Variants in PPP2R2B observed in about 807,000 individuals in gnomAD.
The protein encoded by PPP2R2B is serine/threonine-protein phosphatase 2A 55 kDa regulatory subunit B beta isoform.
A neutral mutation model predicts 46.0 loss-of-function variants in PPP2R2B; 5 were observed. That is an observed-to-expected ratio of 0.11 (90% CI 0.06 to 0.23). The LOEUF is 0.23. PPP2R2B is among the 10% of genes least tolerant of loss of function. The pLI, the probability that PPP2R2B is intolerant of heterozygous loss-of-function variation, is 1.00. For synonymous variants in PPP2R2B, 215 were observed against 206.7 expected (o/e 1.04, Z -0.34); for missense variants, 367 against 575.0 (o/e 0.64, Z 3.70).
intron 1 of PPP2R2B, among the ~76,000 whole-genome samples, chr5:146,935,331 G>A (rs1764104241): frequency 6.6e-6 from 1 of 152,162 alleles, no homozygotes; most frequent in Non-Finnish European, 1.5e-5. Flanking sequence ...GCCCTCACCA[G>A]ACTCCAAGTT....
chr5:146,598,443 C>T (rs1299946357), intron 8 of PPP2R2B, among the ~76,000 whole-genome samples: 1 of 152,124 alleles, frequency 6.6e-6, no homozygotes, highest in Non-Finnish European at 1.5e-5. Context: ...TCATCCAGTC[C>T]TATGGCTTTA....
At chr5:146,617,508 TCAA>T (rs907413458) in intron 7 of PPP2R2B, among the ~76,000 whole-genome samples, 4 of 152,102 alleles carry the variant, frequency 2.6e-5, no homozygotes, top group African/African-American at 9.7e-5. Flanking sequence ...TAAAAAGACG[TCAA>T]CAAGTTCTAG....
chr5:146,968,494 T>G (rs1010287244), intron 1 of PPP2R2B, among the ~76,000 whole-genome samples: 4 of 152,194 alleles, frequency 2.6e-5, no homozygotes, highest in Admixed American at 6.5e-5. Flanking sequence ...TGCATTTTCC[T>G]TTACATTAAT....
chr5:146,609,686 G>A (rs377074975), intron 7 of PPP2R2B, among the ~76,000 whole-genome samples: 6 of 148,630 alleles, frequency 4.0e-5, no homozygotes, highest in Admixed American at 6.7e-5. Context: ...CCTGGGAAGC[G>A]CAAGGGGTCA....
chr5:146,838,804 C>A (rs1388741098), intron 2 of PPP2R2B, among the ~76,000 whole-genome samples: 1 of 152,144 alleles, frequency 6.6e-6, no homozygotes, highest in African/African-American at 2.4e-5. Context: ...TCTTCTGTTT[C>A]TTCTGACAAG....
rs527722162 is a variant in PPP2R2B at position 146,971,537 on chromosome 5, T to A, written c.79+84128A>T. ...CAAAGTTATTTCCAATCTTTTTCTA[T>A]GAGAAATAATGCTATGATGAATAAT... On this transcript the variant is annotated intron_variant, in intron 1 of 8. Transcript: ENST00000336640. Among the ~76,000 whole-genome samples, 270 of 152,328 alleles carry A rather than the reference T, an allele frequency of 1.8e-3. 3 individuals carry two copies. The highest frequency in any genetic ancestry group is 5.9e-3 in the African/African-American group (246 of 41,566).
intron 2 of PPP2R2B, among the ~76,000 whole-genome samples, chr5:146,808,994 T>TGTGTGCGC (rs1442659063): frequency 1.1e-3 from 148 of 134,488 alleles, no homozygotes; most frequent in African/African-American, 3.7e-3. Flanking sequence ...TGTGTGTGTG[T>TGTGTGCGC]GCGCGCGCAC....
intron 2 of PPP2R2B, among the ~76,000 whole-genome samples, chr5:146,862,323 C>A (rs1404359696): frequency 6.6e-6 from 1 of 152,100 alleles, no homozygotes; most frequent in Non-Finnish European, 1.5e-5. Context: ...TGCCAAGAAC[C>A]CTACTGTCCT....
intron 1 of PPP2R2B, among the ~76,000 whole-genome samples, chr5:147,053,226 A>AG (rs1491309759): frequency 2.1e-4 from 5 of 23,988 alleles, no homozygotes; most frequent in African/African-American, 3.7e-4. Flanking sequence ...AAAAAAAAAA[A>AG]CACACGCGCA....
At chr5:146,668,484 A>T (rs776503276) in intron 5 of PPP2R2B, among the ~76,000 whole-genome samples, 1 of 152,138 alleles carries the variant, frequency 6.6e-6, no homozygotes, top group South Asian at 2.1e-4. Flanking sequence ...TGGCAATCAC[A>T]TTCTTTTTAA....
chr5:146,775,225 C>T (rs1049574792), intron 2 of PPP2R2B, among the ~76,000 whole-genome samples: 4 of 152,152 alleles, frequency 2.6e-5, no homozygotes, highest in Admixed American at 1.3e-4. Context: ...TTATGAATAC[C>T]GATGTAAAAA....
chr5:146,772,126 G>A (rs977609885), intron 2 of PPP2R2B, among the ~76,000 whole-genome samples: 1 of 152,062 alleles, frequency 6.6e-6, no homozygotes, highest in Non-Finnish European at 1.5e-5. Context: ...AAAACATAAT[G>A]CAACCTTTAA....
chr5:146,923,798 T>C (rs747610729), intron 1 of PPP2R2B, among the ~76,000 whole-genome samples: 1 of 152,142 alleles, frequency 6.6e-6, no homozygotes, highest in Non-Finnish European at 1.5e-5. Context: ...CTATTCACAA[T>C]AGCAAACACA....
In PPP2R2B at chr5:146,592,973, G is replaced by T. The variant is rs1172810275; in HGVS notation, c.1050C>A (p.Asp350Glu). ...DKFECVWNGS[D>E]SVIMTGSYNN... ...TTCAGCCACAGAGCCTTTCTTACCT[G>T]TCTGACCCATTCCACACACACTCAA... Residue 350 changes from aspartate to glutamate, a missense_variant and splice_region_variant, in exon 9 of 10, where the codon GAC (aspartate) becomes GAA (glutamate). By Grantham distance (45) the Asp-to-Glu change is conservative (BLOSUM62 2). Transcript: ENST00000394411. 6.2e-7 allele frequency: 1 copy of T among 1,608,190 alleles called. No individual in the cohort carries two copies. The highest frequency in any genetic ancestry group is 2.2e-5 in the East Asian group (1 of 44,860).
At chr5:146,859,586 C>A (rs1190442928) in intron 2 of PPP2R2B, among the ~76,000 whole-genome samples, 1 of 152,166 alleles carries the variant, frequency 6.6e-6, no homozygotes, top group African/African-American at 2.4e-5. Context: ...CAATCCTACA[C>A]ATGTACTTCT....
chr5:147,072,051 G>A lies in PPP2R2B; in HGVS notation c.50+9008C>T, dbSNP rs1220342950. On this transcript the variant is annotated intron_variant, in intron 2 of 10. Coordinates refer to the PPP2R2B transcript ENST00000394413. Reference sequence around the variant, plus strand: ...ACAGTCAGTGCATCCAGGGGAAGATGAGCAGTAAAAAAATTTCTGGTGTAG... The same window carrying A: ...ACAGTCAGTGCATCCAGGGGAAGATAAGCAGTAAAAAAATTTCTGGTGTAG... 2.0e-5 allele frequency among the ~76,000 whole-genome samples: 3 copies of A among 152,290 alleles called. No homozygotes were observed. The South Asian group carries it at 6.2e-4, about 32-fold the overall frequency.
chr5:146,882,983 C>T (rs188346303), upstream of PPP2R2B, among the ~76,000 whole-genome samples: 1 of 152,314 alleles, frequency 6.6e-6, no homozygotes, highest in East Asian at 1.9e-4. Flanking sequence ...CTCACATACC[C>T]ACTCTTCCTT....
At chr5:146,591,805 T>C (rs911861608) in intron 9 of PPP2R2B, among the ~76,000 whole-genome samples, 4 of 152,198 alleles carry the variant, frequency 2.6e-5, no homozygotes, top group African/African-American at 9.7e-5. Context: ...TACTACTTAC[T>C]ACTTTATGAG....
intron 1 of PPP2R2B, among the ~76,000 whole-genome samples, chr5:146,952,104 C>T (rs1751642430): frequency 6.6e-6 from 1 of 151,300 alleles, no homozygotes; most frequent in African/African-American, 2.4e-5. Context: ...TAAAATTCTA[C>T]GTATATGAGT....
Sources: allele counts gnomAD v4.1 joint callset (sites outside exome capture counted in the v4.1 genomes callset), GRCh38; gene constraint gnomAD v4.1.1; transcripts MANE v1.5; gene names NCBI Gene and HGNC (gene_info 2026-07-23, HGNC 2026-07-21).